The following ZMYND11 variants were observed in gnomAD, a reference collection of about 807,000 sequenced individuals.
ZMYND11 encodes the protein zinc finger MYND domain-containing protein 11.
ZMYND11 carries 9 observed loss-of-function variants against 84.9 expected under a neutral mutation model. The ratio of observed to expected loss-of-function variants is 0.11; its 90% confidence interval spans 0.06 to 0.18. ZMYND11 has a LOEUF of 0.18. Among genes scored for constraint, ZMYND11 ranks in the 10% least tolerant of loss-of-function variants. The pLI, the probability that ZMYND11 is intolerant of heterozygous loss-of-function variation, is 1.00. For missense variants in ZMYND11, 409 were observed against 761.0 expected, an observed-to-expected ratio of 0.54 and a Z score of 5.44; for synonymous variants, 250 against 244.1, an observed-to-expected ratio of 1.02 and a Z score of -0.23.
intron 1 of ZMYND11, among the ~76,000 whole-genome samples, chr10:165,114 C>T (rs1385151846): frequency 6.6e-6 from 1 of 152,068 alleles, no homozygotes; most frequent in Non-Finnish European, 1.5e-5. Flanking sequence ...GTTTCTCCAC[C>T]TGCCACTTAC....
intron 6 of ZMYND11, 97 bp from the exon 7 acceptor site, chr10:239,341 T>C: frequency 1.0e-6 from 1 of 957,260 alleles, no homozygotes; most frequent in Non-Finnish European, 1.6e-6. Context: ...GTCATCCTGA[T>C]GTCATCCTAG....
intron 1 of ZMYND11, among the ~76,000 whole-genome samples, chr10:156,924 G>A (rs1554759394): frequency 6.6e-6 from 1 of 152,166 alleles, no homozygotes; most frequent in Non-Finnish European, 1.5e-5. Flanking sequence ...TTGAGGATTG[G>A]CAGTATAGGC....
intron 2 of ZMYND11, among the ~76,000 whole-genome samples, chr10:207,676 G>A (rs1944430289): frequency 6.6e-6 from 1 of 152,194 alleles, no homozygotes; most frequent in Non-Finnish European, 1.5e-5. Flanking sequence ...AACATTCCAT[G>A]CTCATGGAGA....
At chr10:177,826 A>G (rs782718020) in intron 1 of ZMYND11, among the ~76,000 whole-genome samples, 1 of 152,108 alleles carries the variant, frequency 6.6e-6, no homozygotes, top group South Asian at 2.1e-4. Context: ...TTAATTTACA[A>G]TAGCCTCCCT....
At chr10:173,392 T>G (rs11250663) in intron 1 of ZMYND11, among the ~76,000 whole-genome samples, 5,293 of 152,194 alleles carry the variant, frequency 0.035, 257 homozygotes, top group East Asian at 0.17. Context: ...ACACATCTGA[T>G]AAAGGACCAT....
At chr10:204,551 C>G (rs1943802405) in intron 2 of ZMYND11, among the ~76,000 whole-genome samples, 1 of 152,064 alleles carries the variant, frequency 6.6e-6, no homozygotes. Context: ...TTTCTAGATA[C>G]ATGATTTGCA....
At chr10:249,819 T>C (rs2131997118) in intron 14 of ZMYND11, 1 of 935,790 alleles carries the variant, frequency 1.1e-6, no homozygotes, top group Non-Finnish European at 1.3e-6. Flanking sequence ...AAGCCTATAT[T>C]ATATAAATAC....
At chr10:202,012 C>T (rs899576296) in intron 2 of ZMYND11, among the ~76,000 whole-genome samples, 4 of 152,064 alleles carry the variant, frequency 2.6e-5, no homozygotes, top group Non-Finnish European at 5.9e-5. Flanking sequence ...AAATGAGAGA[C>T]CTGGAGTATC....
intron 1 of ZMYND11, chr10:148,136 G>C (rs1367631711): frequency 4.6e-5 from 7 of 152,362 alleles, no homozygotes; most frequent in Non-Finnish European, 8.8e-5. Context: ...TCCAGGCTGG[G>C]GGTAATATTT....
chr10:218,595 T>G (rs1360869312), intron 3 of ZMYND11: 1 of 231,060 alleles, frequency 4.3e-6, no homozygotes, highest in African/African-American at 2.3e-5. Flanking sequence ...AGTTAACTCT[T>G]GCTAGATTTG....
chr10:135,290 G>C (rs1325840420), upstream of ZMYND11: 2 of 151,190 alleles, frequency 1.3e-5, no homozygotes, highest in Admixed American at 6.6e-5. The surrounding 1 kb of genome is among the most constrained non-coding windows in gnomAD (Gnocchi z 5.6). Context: ...GCGCGACCGC[G>C]GCGTTCTCTG....
chr10:219,310 C>G (rs1171150541), intron 3 of ZMYND11, among the ~76,000 whole-genome samples: 1 of 152,072 alleles, frequency 6.6e-6, no homozygotes, highest in Non-Finnish European at 1.5e-5. Flanking sequence ...TAATATTTTG[C>G]CCAGCACATG....
rs1554788985 is a variant in ZMYND11 at position 239,539 on chromosome 10, G to GTGGT, written c.697+15_697+16insGGTT. The GTGGT allele has an allele frequency of 3.5e-5, 52 of 1,472,980 alleles. 1 individual carries two copies. The highest frequency in any genetic ancestry group is 2.5e-4 in the African/African-American group (18 of 70,926). The allele number at this position is 1,472,980 out of a possible 1,614,324, so 91.2% of individuals were successfully genotyped here. A position where few individuals can be genotyped will look rare whatever the true frequency, so the allele number is the denominator to read the frequency against. On this transcript the variant is annotated intron_variant, in intron 7 of 14. Coordinates refer to ENST00000381604, the MANE Select transcript of ZMYND11 (RefSeq NM_001370100.5). ...TTTTCTATGGAGGTTGAATATTTTT[G>GTGGT]TTTTTTTTGTATGCATTTTTAAACA... is the stretch of plus-strand genomic sequence containing the variant.
intron 14 of ZMYND11, among the ~76,000 whole-genome samples, chr10:251,953 A>G (rs1219211266): frequency 6.6e-6 from 1 of 152,202 alleles, no homozygotes; most frequent in African/African-American, 2.4e-5. Flanking sequence ...ACTGCAGCGT[A>G]TGTTAACGAC....
intron 1 of ZMYND11, among the ~76,000 whole-genome samples, chr10:161,505 G>T (rs1842939153): frequency 6.6e-6 from 1 of 152,158 alleles, no homozygotes; most frequent in Non-Finnish European, 1.5e-5. Context: ...TTGAACCCAG[G>T]CATCATCACC....
At chr10:164,681 T>C (rs140615497) in intron 1 of ZMYND11, among the ~76,000 whole-genome samples, 80 of 152,294 alleles carry the variant, frequency 5.3e-4, no homozygotes, top group African/African-American at 1.8e-3. Context: ...GGTGGGGAAG[T>C]GCATTGTCCT....
chr10:211,174 G>A (rs755176141), intron 3 of ZMYND11, among the ~76,000 whole-genome samples: 8 of 150,824 alleles, frequency 5.3e-5, no homozygotes, highest in Non-Finnish European at 1.2e-4. Flanking sequence ...TAGCCTGGGC[G>A]ACAGAGCAAG....
At chr10:157,302 C>T (rs1426294909) in intron 1 of ZMYND11, among the ~76,000 whole-genome samples, 7 of 152,040 alleles carry the variant, frequency 4.6e-5, no homozygotes, top group African/African-American at 9.7e-5. Flanking sequence ...CAGGTTCAAG[C>T]GATTCTCCTG....
At chr10:177,579 A>G (rs1554767220) in intron 1 of ZMYND11, among the ~76,000 whole-genome samples, 1 of 152,146 alleles carries the variant, frequency 6.6e-6, no homozygotes, top group African/African-American at 2.4e-5. Flanking sequence ...TCTTCTGGTT[A>G]TGTTATATAA....
Sources: allele counts gnomAD v4.1 joint callset (sites outside exome capture counted in the v4.1 genomes callset), GRCh38; gene constraint gnomAD v4.1.1; non-coding constraint Gnocchi (gnomAD v3.1); transcripts MANE v1.5; gene names NCBI Gene and HGNC (gene_info 2026-07-23, HGNC 2026-07-21).